LMNB1: variants seen among roughly 807,000 people sequenced by gnomAD.
LMNB1 encodes the protein lamin B1.
LMNB1 carries 23 observed loss-of-function variants against 67.1 expected under a neutral mutation model. The ratio of observed to expected loss-of-function variants is 0.34; its 90% CI spans 0.25 to 0.49. LMNB1 has a LOEUF of 0.49. Ranked by LOEUF, LMNB1 falls within the 20% of genes least tolerant of loss-of-function variation. LMNB1 has a pLI of 0.99. For missense variants in LMNB1, 634 were observed against 746.5 expected, an observed-to-expected ratio of 0.85 and a Z score of 1.76; for synonymous variants, 281 against 282.9, an observed-to-expected ratio of 0.99 and a Z score of 0.07.
rs1304286283 is a variant in LMNB1, at chr5:126,836,212, TTCC to T, written c.1720-8_1720-6del. The T allele has an allele frequency of 6.2e-7, 1 of 1,602,722 alleles. No homozygotes were observed. Among genetic ancestry groups the T allele is most frequent in the Non-Finnish European group, 8.5e-7 (1 of 1,170,920 alleles). On this transcript the variant is annotated splice_region_variant and splice_polypyrimidine_tract_variant and intron_variant, in intron 10 of 10. Transcript: ENST00000261366. Reference sequence around the variant, plus strand: ...TTTAGTATTAATTTTTCCTTCTGTTTTCCTCATCAGGGAACCCCAAGAGCATCC... The same window carrying T: ...TTTAGTATTAATTTTTCCTTCTGTTTTCATCAGGGAACCCCAAGAGCATCC...
At chr5:126,835,627 A>G (rs62392862) in intron 10 of LMNB1, among the ~76,000 whole-genome samples, 11 of 152,206 alleles carry the variant, frequency 7.2e-5, no homozygotes, top group Non-Finnish European at 1.5e-4. Context: ...TTAAAATTAT[A>G]TATAGATAGC....
At chr5:126,787,466 TTATG>T (rs893066503) in intron 1 of LMNB1, among the ~76,000 whole-genome samples, 13 of 147,796 alleles carry the variant, frequency 8.8e-5, no homozygotes, top group South Asian at 8.4e-4. Flanking sequence ...AACATATACT[TTATG>T]TATATGTTAC....
chr5:126,777,237 G>T lies in LMNB1; in HGVS notation c.-272G>T. ...TCACCCTCGTCTTGCATTTTCCCGC[G>T]TGCGTGTGTGAGTGGGTGTGTGTGT... On this transcript the variant is annotated 5_prime_UTR_variant, in exon 1 of 11. Coordinates refer to ENST00000261366, the MANE Select transcript of LMNB1 (RefSeq NM_005573.4). The T allele has an allele frequency of 3.0e-6, 1 of 332,390 alleles. No homozygotes were observed. Among genetic ancestry groups the T allele is most frequent in the South Asian group, 1.5e-4 (1 of 6,662 alleles). The allele number at this position is 332,390 out of a possible 1,614,324, so 20.6% of individuals were successfully genotyped here.
At chr5:126,797,665 C>T (rs957982999) in intron 1 of LMNB1, among the ~76,000 whole-genome samples, 2 of 152,126 alleles carry the variant, frequency 1.3e-5, no homozygotes, top group African/African-American at 4.8e-5. Flanking sequence ...GGACTTTCTA[C>T]ATTATATTGA....
chr5:126,791,558 A>G (rs1750960166), intron 1 of LMNB1, among the ~76,000 whole-genome samples: 1 of 146,616 alleles, frequency 6.8e-6, no homozygotes, highest in African/African-American at 2.6e-5. Context: ...CCTAGGCTCA[A>G]GTGATCCTCT....
At chr5:126,821,204 A>T in intron 7 of LMNB1, 69 bp downstream of exon 7, 2 of 1,007,786 alleles carry the variant, frequency 2.0e-6, no homozygotes, top group Non-Finnish European at 3.1e-6. Flanking sequence ...CAATTGTCAT[A>T]GCTCCTTAGT....
chr5:126,809,503 A>G (rs1751532862), intron 3 of LMNB1, among the ~76,000 whole-genome samples: 1 of 152,124 alleles, frequency 6.6e-6, no homozygotes, highest in Non-Finnish European at 1.5e-5. Flanking sequence ...TCTGGCCAAC[A>G]TGGGGAAATC....
chr5:126,784,995 T>G (rs1750735173), intron 1 of LMNB1, among the ~76,000 whole-genome samples: 2 of 149,962 alleles, frequency 1.3e-5, no homozygotes, highest in Non-Finnish European at 3.0e-5. Context: ...TTATTATTAT[T>G]TTTGAGACGG....
At position 126,802,202 on chromosome 5, in the gene LMNB1, T is replaced by TA. The variant is rs561412379; in HGVS notation, c.360-2569dup. Among the ~76,000 whole-genome samples, 24 of 152,334 alleles carry TA rather than the reference T, an allele frequency of 1.6e-4. No homozygotes were observed. In the East Asian group the frequency reaches 3.5e-3, roughly 22 times the overall value. On this transcript the variant is annotated intron_variant, in intron 1 of 10. Transcript: ENST00000261366. ...ATGACTGCTGAGCTTTTATGATGAG[T>TA]AAAAAGTGAATACTATTAAATCTTT...
intron 5 of LMNB1, among the ~76,000 whole-genome samples, chr5:126,815,906 G>A (rs569712122): frequency 6.6e-6 from 1 of 152,200 alleles, no homozygotes; most frequent in East Asian, 1.9e-4. Flanking sequence ...CCCTCTTAAA[G>A]AGCTCTACAA....
In LMNB1 at chr5:126,800,320, A is replaced by G. The variant is rs77908023; in HGVS notation, c.360-4456A>G. The stretch of plus-strand genomic sequence containing the variant: ...GCTGTGGAGCCCAGAAAGGTACATG[A>G]TTTTTTTCTGCTAGGAGAGGTAAAG... On this transcript the variant is annotated intron_variant, in intron 1 of 10. Transcript: ENST00000261366. 5.6e-4 allele frequency among the ~76,000 whole-genome samples: 85 copies of G among 152,236 alleles called. 2 individuals carry two copies. The East Asian group carries it at 0.016, about 28-fold the overall frequency.
At chr5:126,779,194 G>A (rs1315653021) in intron 1 of LMNB1, among the ~76,000 whole-genome samples, 2 of 152,022 alleles carry the variant, frequency 1.3e-5, no homozygotes, top group African/African-American at 2.4e-5. Context: ...ATATGTTTTC[G>A]GTTCATAAAA....
At chr5:126,831,606 G>A (rs768613304) in intron 9 of LMNB1, among the ~76,000 whole-genome samples, 1 of 152,220 alleles carries the variant, frequency 6.6e-6, no homozygotes, top group Non-Finnish European at 1.5e-5. Flanking sequence ...AAAGGAGCTT[G>A]TCCTTTCTTC....
At chr5:126,824,878 G>A (rs1485749640) in intron 8 of LMNB1, among the ~76,000 whole-genome samples, 2 of 110,094 alleles carry the variant, frequency 1.8e-5, no homozygotes, top group Non-Finnish European at 3.4e-5. Context: ...GATAGAGACA[G>A]GATTTCACCA....
At chr5:126,789,684 T>A (rs1750901864) in intron 1 of LMNB1, among the ~76,000 whole-genome samples, 1 of 152,168 alleles carries the variant, frequency 6.6e-6, no homozygotes, top group African/African-American at 2.4e-5. Flanking sequence ...CCTTTGAATT[T>A]TTTTTTTGAG....
upstream of LMNB1, chr5:126,776,667 T>A (rs1485857285): frequency 6.6e-6 from 1 of 152,186 alleles, no homozygotes; most frequent in Non-Finnish European, 1.5e-5. Flanking sequence ...CCGGGGACAC[T>A]CTGAGTTTCG....
intron 1 of LMNB1, among the ~76,000 whole-genome samples, chr5:126,792,125 T>A (rs2112935135): frequency 6.7e-6 from 1 of 148,640 alleles, no homozygotes; most frequent in East Asian, 2.0e-4. Flanking sequence ...TTTGTCTAAA[T>A]TTGATGGATT....
chr5:126,797,100 C>G (rs893248993), intron 1 of LMNB1, among the ~76,000 whole-genome samples: 2 of 152,078 alleles, frequency 1.3e-5, no homozygotes, highest in African/African-American at 4.8e-5. Context: ...GGCTAATTTT[C>G]TTTTTAATGG....
At chr5:126,777,976 C>A in intron 1 of LMNB1, 109 bp downstream of exon 1, 1 of 999,798 alleles carries the variant, frequency 1.0e-6, no homozygotes, top group South Asian at 2.2e-5. Context: ...CCAGGATGCA[C>A]GCGTCCTTCT....
Sources: gnomAD v4.1 joint callset for allele counts (sites outside exome capture counted in the v4.1 genomes callset) on GRCh38, gnomAD v4.1.1 for gene constraint, MANE v1.5 for transcripts, NCBI Gene and HGNC (gene_info 2026-07-23, HGNC 2026-07-21) for gene names.